The following ABCA13 variants were observed in gnomAD, a reference collection of about 807,000 sequenced individuals.
The protein encoded by ABCA13 is ATP-binding cassette sub-family A member 13.
Under a neutral mutation model 478.7 loss-of-function variants are expected in ABCA13, and 476 were observed. That is an observed-to-expected ratio of 0.99 (90% CI 0.92 to 1.07). ABCA13 has a LOEUF of 1.07. Ranked by LOEUF, ABCA13 falls within the 50% of genes least tolerant of loss-of-function variation. The pLI, the probability that ABCA13 is intolerant of heterozygous loss-of-function variation, is 0.00. For synonymous variants in ABCA13, 2,252 were observed against 2,158.9 expected (o/e 1.04, Z -1.20); for missense variants, 6,060 against 5,910.6 (o/e 1.03, Z -0.83).
At chr7:48,330,421 A>C (rs1805140789) in intron 27 of ABCA13, among the ~76,000 whole-genome samples, 1 of 149,470 alleles carries the variant, frequency 6.7e-6, no homozygotes, top group South Asian at 2.1e-4. Flanking sequence ...CCATTCATTT[A>C]TCTATTCAAC....
At position 48,587,154 on chromosome 7, in the gene ABCA13, G is replaced by A; in HGVS notation, c.14506G>A (p.Val4836Ile). The A allele has an allele frequency of 6.2e-7, 1 of 1,613,200 alleles. No homozygotes were observed. ...RGIPRQCIPE[V>I]AGDLIRRLHL... Reference sequence around the variant, plus strand: ...GCACATGGACATGCCTCTCTTCCAGGTTGCTGGAGACCTCATCAGGCGCTT... The same window carrying A: ...GCACATGGACATGCCTCTCTTCCAGATTGCTGGAGACCTCATCAGGCGCTT... The change falls in exon 57 of 62, where the codon GTT becomes ATT. Residue 4836 changes from valine to isoleucine, a missense_variant and splice_region_variant. Around this residue, in one of 3 missense-constraint regions of ABCA13, gnomAD observed 1,627 missense variants for 1,571.0 expected, o/e 1.04. Transcript: ENST00000435803.
chr7:48,573,526 T>A (rs2131332001), intron 55 of ABCA13, among the ~76,000 whole-genome samples: 1 of 152,066 alleles, frequency 6.6e-6, no homozygotes, highest in African/African-American at 2.4e-5. Context: ...CGAGACTCCA[T>A]CTCCACAAAA....
At chr7:48,340,114 TA>T (rs1340821354) in intron 29 of ABCA13, among the ~76,000 whole-genome samples, 3 of 152,196 alleles carry the variant, frequency 2.0e-5, no homozygotes, top group Admixed American at 6.5e-5. Flanking sequence ...ATTTTATTTT[TA>T]TTTTTTTTAG....
At chr7:48,174,237 A>G (rs1794539495) in intron 1 of ABCA13, among the ~76,000 whole-genome samples, 1 of 152,214 alleles carries the variant, frequency 6.6e-6, no homozygotes, top group African/African-American at 2.4e-5. Context: ...TTTAGTGAGT[A>G]AAGCCAGGAA....
At chr7:48,221,455 G>A in intron 5 of ABCA13, 146 bp downstream of exon 5, 1 of 477,942 alleles carries the variant, frequency 2.1e-6, no homozygotes, top group Non-Finnish European at 3.6e-6. Flanking sequence ...AGAGAGCCAA[G>A]GTCTTTGTAG....
chr7:48,601,472 T>C (rs1290809118), intron 58 of ABCA13, among the ~76,000 whole-genome samples: 1 of 152,112 alleles, frequency 6.6e-6, no homozygotes, highest in African/African-American at 2.4e-5. Flanking sequence ...GAACATGTGG[T>C]GTTTGGTTTT....
At chr7:48,207,043 C>T (rs1433680670) in intron 3 of ABCA13, among the ~76,000 whole-genome samples, 1 of 152,162 alleles carries the variant, frequency 6.6e-6, no homozygotes, top group Non-Finnish European at 1.5e-5. Context: ...TAAGCTCCCA[C>T]ATATAAGTGA....
intron 11 of ABCA13, 140 bp from the exon 12 acceptor site, chr7:48,245,372 A>G: frequency 1.7e-6 from 1 of 576,876 alleles, no homozygotes; most frequent in Non-Finnish European, 3.0e-6. Flanking sequence ...CTTTCTAAGG[A>G]AGAGAAGAAA....
intron 55 of ABCA13, among the ~76,000 whole-genome samples, chr7:48,528,799 A>T (rs933247268): frequency 3.9e-5 from 6 of 152,020 alleles, no homozygotes; most frequent in African/African-American, 1.4e-4. Flanking sequence ...TCAGGGTGGG[A>T]GCAGTGAACA....
intron 35 of ABCA13, among the ~76,000 whole-genome samples, chr7:48,383,451 C>G (rs986255004): frequency 2.0e-5 from 3 of 152,212 alleles, no homozygotes; most frequent in Non-Finnish European, 4.4e-5. Flanking sequence ...TCATATTTAT[C>G]TTTGTACGAC....
intron 20 of ABCA13, among the ~76,000 whole-genome samples, chr7:48,290,940 GAA>G (rs57470116): frequency 0.12 from 5,699 of 48,116 alleles, 131 homozygotes; most frequent in East Asian, 0.19. Flanking sequence ...CACACTCAGG[GAA>G]AAAAAAAAAA....
At chr7:48,499,038 T>C (rs1830510706) in intron 48 of ABCA13, among the ~76,000 whole-genome samples, 1 of 152,220 alleles carries the variant, frequency 6.6e-6, no homozygotes, top group African/African-American at 2.4e-5. Context: ...TGATTACTTC[T>C]GATTGGTTTT....
At chr7:48,414,994 G>A (rs1474339708) in intron 41 of ABCA13, among the ~76,000 whole-genome samples, 1 of 152,164 alleles carries the variant, frequency 6.6e-6, no homozygotes, top group East Asian at 1.9e-4. Flanking sequence ...ATTTTTGGGA[G>A]ACAGCAGTCT....
chr7:48,219,503 C>T lies in ABCA13; in HGVS notation c.437C>T (p.Pro146Leu), dbSNP rs541355083. Residue 146 changes from proline to leucine, a missense_variant and splice_region_variant, in exon 4 of 62, where the codon CCA becomes CTA. By Grantham distance (98) the Pro-to-Leu change is moderately conservative. This residue lies in a region of ABCA13 where 4,423 missense variants were observed against 4,309.1 expected (regional missense o/e 1.03). Transcript: ENST00000435803. ...CTTTGGGTAGAACGATCCAACACTC[C>T]AGGCAAGTAAACCTCTCATAACTGT... ...KRLWVERSNT[P>L]DSSYGSSFFT... 9 of 1,608,288 alleles carry T rather than the reference C, an allele frequency of 5.6e-6. No homozygotes were observed. The South Asian group carries it at 7.8e-5, about 14-fold the overall frequency.
chr7:48,292,100 C>T (rs185111651), intron 20 of ABCA13, among the ~76,000 whole-genome samples: 50 of 152,322 alleles, frequency 3.3e-4, no homozygotes, highest in African/African-American at 1.2e-3. Context: ...AAATTTCCTT[C>T]TCCAGCCAAC....
chr7:48,410,983 CTTTCTTTCTTTCTT>C (rs1563207710), intron 40 of ABCA13, among the ~76,000 whole-genome samples: 17 of 59,812 alleles, frequency 2.8e-4, no homozygotes, highest in African/African-American at 5.7e-4. Context: ...TTTTCTCTTT[CTTTCTTTCTTTCTT>C]TCTTTCTTTC....
intron 42 of ABCA13, among the ~76,000 whole-genome samples, chr7:48,446,833 C>A (rs1410380650): frequency 6.6e-6 from 1 of 152,112 alleles, no homozygotes; most frequent in Non-Finnish European, 1.5e-5. Context: ...ATTATGCAGG[C>A]CAAAGAAAGT....
intron 32 of ABCA13, among the ~76,000 whole-genome samples, chr7:48,368,700 T>TATAC (rs1812123111): frequency 7.1e-6 from 1 of 140,968 alleles, no homozygotes; most frequent in African/African-American, 2.6e-5. Context: ...TATATATATA[T>TATAC]ATATATATAT....
intron 55 of ABCA13, among the ~76,000 whole-genome samples, chr7:48,544,774 C>T (rs1473967601): frequency 6.6e-6 from 1 of 151,900 alleles, no homozygotes; most frequent in Non-Finnish European, 1.5e-5. Context: ...CATAGGATCC[C>T]TGGCCGATCC....
Sources: allele counts gnomAD v4.1 joint callset (sites outside exome capture counted in the v4.1 genomes callset), GRCh38; gene constraint gnomAD v4.1.1; regional missense constraint gnomAD v4.1.1; transcripts MANE v1.5; gene names NCBI Gene and HGNC (gene_info 2026-07-23, HGNC 2026-07-21).